PKHD1: variants seen among roughly 807,000 people sequenced by gnomAD.
PKHD1 encodes the protein fibrocystin.
Under a neutral mutation model 412.0 loss-of-function variants are expected in PKHD1, and 291 were observed. The observed-to-expected ratio is 0.71, with a 90% confidence interval of 0.64 to 0.78. The LOEUF (loss-of-function observed/expected upper bound fraction) is 0.78, where lower values mean the gene tolerates loss of function less well. PKHD1 is among the 30% of genes least tolerant of loss of function. PKHD1 has a pLI of 0.00. For missense variants in PKHD1, 4,825 were observed against 4,950.7 expected (o/e 0.97, Z 0.76); for synonymous variants, 1,777 against 1,821.5 (o/e 0.98, Z 0.62).
Position 52,036,101 on chromosome 6 carries a change from G to T in PKHD1, c.3098-380C>A, listed in dbSNP as rs564975080. Among the ~76,000 whole-genome samples, 38 of 152,298 alleles carry T rather than the reference G, an allele frequency of 2.5e-4. 2 individuals are homozygous for T. In the South Asian group the frequency reaches 7.9e-3, roughly 32 times the overall value. On this transcript the variant is annotated intron_variant, in intron 27 of 66. Coordinates refer to ENST00000371117, the MANE Select transcript of PKHD1 (RefSeq NM_138694.4). ...GAAACCAAGTGCAACAGAGCATCAT[G>T]GTGGAAGGAACAGTGGCTGAGAGTC...
intron 60 of PKHD1, among the ~76,000 whole-genome samples, chr6:51,698,107 T>C (rs1045866942): frequency 1.3e-5 from 2 of 152,192 alleles, no homozygotes; most frequent in African/African-American, 2.4e-5. Context: ...TGGAAATAAT[T>C]CACTCAGAGA....
At chr6:51,897,042 G>A (rs1156485283) in intron 43 of PKHD1, among the ~76,000 whole-genome samples, 1 of 150,970 alleles carries the variant, frequency 6.6e-6, no homozygotes, top group Non-Finnish European at 1.5e-5. Context: ...TCTGATTGGT[G>A]TACCTGAAAG....
At chr6:51,895,901 G>T (rs949455822) in intron 43 of PKHD1, among the ~76,000 whole-genome samples, 18 of 152,118 alleles carry the variant, frequency 1.2e-4, no homozygotes, top group Middle Eastern at 3.2e-3. Context: ...AAACAAAGGG[G>T]TGATGGACGG....
At chr6:51,839,115 TAA>T (rs1769736511) in intron 50 of PKHD1, among the ~76,000 whole-genome samples, 1 of 152,206 alleles carries the variant, frequency 6.6e-6, no homozygotes, top group Non-Finnish European at 1.5e-5. Context: ...CCAGATCTGC[TAA>T]AGTTTGTTAA....
At chr6:51,897,582 A>G (rs897303914) in intron 43 of PKHD1, among the ~76,000 whole-genome samples, 14 of 145,100 alleles carry the variant, frequency 9.6e-5, no homozygotes, top group African/African-American at 3.7e-4. Context: ...AAGACCATTG[A>G]GACTAGGAAG....
intron 48 of PKHD1, among the ~76,000 whole-genome samples, chr6:51,867,038 A>C (rs2151755118): frequency 6.6e-6 from 1 of 152,296 alleles, no homozygotes; most frequent in South Asian, 2.1e-4. Context: ...ATACAGAGTT[A>C]GTGCAATCCT....
rs1775357730 is a variant in PKHD1 at position 51,867,995 on chromosome 6, T to C, written c.7601A>G (p.Lys2534Arg). 1.2e-6 allele frequency: 2 copies of C among 1,613,430 alleles called. No individual in the cohort carries two copies. Among genetic ancestry groups the C allele is most frequent in the Non-Finnish European group, 1.7e-6 (2 of 1,179,414 alleles). Residue 2534 changes from lysine to arginine, a missense_variant, in exon 48 of 67, where the codon AAA becomes AGA. By Grantham distance (26) the Lys-to-Arg change is conservative. Transcript: ENST00000371117. ...LEDLDGSLSG[K>R]NRSHILASME... Reference sequence around the variant, plus strand: ...AGAAGCAAGAATGTGACTTCTGTTTTTCCCAGACAGAGACCCATCCAAGTC... The same window carrying C: ...AGAAGCAAGAATGTGACTTCTGTTTCTCCCAGACAGAGACCCATCCAAGTC...
intron 37 of PKHD1, among the ~76,000 whole-genome samples, chr6:51,923,570 T>C (rs942355428): frequency 5.3e-5 from 8 of 150,920 alleles, no homozygotes; most frequent in African/African-American, 1.9e-4. Flanking sequence ...AATTTTTATA[T>C]AGTCTTTGTA....
chr6:51,652,049 A>T (rs1166601765), intron 61 of PKHD1, among the ~76,000 whole-genome samples: 1 of 152,172 alleles, frequency 6.6e-6, no homozygotes, highest in African/African-American at 2.4e-5. Context: ...TCCAATTTCC[A>T]ACTGCTAATG....
intron 27 of PKHD1, among the ~76,000 whole-genome samples, chr6:52,039,571 T>A (rs1804507316): frequency 6.6e-6 from 1 of 152,176 alleles, no homozygotes; most frequent in African/African-American, 2.4e-5. Flanking sequence ...CCTCTTTTCT[T>A]TATAAACTTT....
intron 43 of PKHD1, among the ~76,000 whole-genome samples, chr6:51,900,238 G>C (rs995514372): frequency 6.6e-6 from 1 of 152,278 alleles, no homozygotes; most frequent in Admixed American, 6.5e-5. Flanking sequence ...AAAGAACAAA[G>C]CTGGAGGCAT....
chr6:52,066,010 G>T lies in PKHD1; in HGVS notation c.846C>A (p.Asp282Glu). ...GGRTNITITG[D>E]FFDNSAQVTI... is the part of the protein sequence containing the mutation. ...TAACCTGGGCAGAATTGTCAAAAAA[G>T]TCTCCTGTAATTGTGATGTTTGTTC... Residue 282 changes from aspartate (D) to glutamate (E), a missense_variant, in exon 12 of 67, where the codon GAC becomes GAA. Asp to Glu is a conservative substitution (Grantham distance 45). Coordinates refer to ENST00000371117, the MANE Select transcript of PKHD1 (RefSeq NM_138694.4). 2 of 1,598,716 alleles carry T rather than the reference G, an allele frequency of 1.3e-6. No homozygotes were observed. The highest frequency in any genetic ancestry group is 2.2e-5 in the South Asian group (2 of 90,772).
intron 22 of PKHD1, among the ~76,000 whole-genome samples, chr6:52,049,171 A>T (rs1246746270): frequency 6.6e-6 from 1 of 152,224 alleles, no homozygotes; most frequent in Non-Finnish European, 1.5e-5. Context: ...CATGCAGTTT[A>T]CTTACACAAA....
chr6:51,818,166 C>T (rs1315353267), intron 52 of PKHD1, among the ~76,000 whole-genome samples: 1 of 152,100 alleles, frequency 6.6e-6, no homozygotes, highest in Admixed American at 6.5e-5. Context: ...CAGAGCGGGC[C>T]CCGGAGTGCA....
At chr6:51,989,889 G>GAAGA (rs1796674932) in intron 35 of PKHD1, among the ~76,000 whole-genome samples, 2 of 33,918 alleles carry the variant, frequency 5.9e-5, no homozygotes, top group East Asian at 7.6e-4. Flanking sequence ...GAAAAGGAAG[G>GAAGA]AAGGAAGGAG....
intron 53 of PKHD1, among the ~76,000 whole-genome samples, chr6:51,783,684 T>C (rs1792404741): frequency 6.6e-6 from 1 of 152,128 alleles, no homozygotes; most frequent in South Asian, 2.1e-4. Flanking sequence ...GCAAAGCTTT[T>C]ATATGTTTAA....
At position 51,725,891 on chromosome 6, in the gene PKHD1, C is replaced by A. The variant is rs538528284; in HGVS notation, c.10156+18494G>T. ...GAGCATAATTCATTGCCCTTCTAGT[C>A]CCTTCTTTTGCAAAACCCAGGAGGC... On this transcript the variant is annotated intron_variant, in intron 60 of 66. Coordinates refer to ENST00000371117, the MANE Select transcript of PKHD1 (RefSeq NM_138694.4). 1.2e-4 allele frequency among the ~76,000 whole-genome samples: 18 copies of A among 152,260 alleles called. No homozygotes were observed. The South Asian group carries it at 3.3e-3, about 28-fold the overall frequency.
At chr6:51,869,735 A>G (rs1775672946) in intron 47 of PKHD1, among the ~76,000 whole-genome samples, 1 of 152,156 alleles carries the variant, frequency 6.6e-6, no homozygotes, top group Admixed American at 6.5e-5. Flanking sequence ...CTACAATCCT[A>G]AACTCAGATG....
Position 52,064,982 on chromosome 6 carries a change from C to A in PKHD1, c.949G>T (p.Asp317Tyr). The stretch of plus-strand genomic sequence containing the variant: ...GGCTGAGGGGTGGTGAGCCTCACAT[C>A]TTTTCCTGGAGCCCGAGTGGTGCAC... The part of the protein sequence containing the change: ...IECTTRAPGK[D>Y]VRLTTPQPGN... Residue 317 changes from aspartate to tyrosine, a missense_variant, in exon 13 of 67, where the codon GAT becomes TAT. Transcript: ENST00000371117. 1 of 1,603,718 alleles carries A rather than the reference C, an allele frequency of 6.2e-7. No homozygotes were observed. The highest frequency in any genetic ancestry group is 8.5e-7 in the Non-Finnish European group (1 of 1,175,684).
Sources: gnomAD v4.1 joint callset for allele counts (sites outside exome capture counted in the v4.1 genomes callset) on GRCh38, gnomAD v4.1.1 for gene constraint, MANE v1.5 for transcripts, NCBI Gene and HGNC (gene_info 2026-07-23, HGNC 2026-07-21) for gene names.